The following JCHAIN variants were observed in gnomAD, a reference collection of about 807,000 sequenced individuals.
The protein encoded by JCHAIN is joining chain of multimeric IgA and IgM, also known as immunoglobulin J chain.
A neutral mutation model predicts 11.1 loss-of-function variants in JCHAIN; 5 were observed. That is an observed-to-expected ratio of 0.45 (90% confidence interval 0.24 to 0.95). JCHAIN has a LOEUF of 0.95. JCHAIN is among the 40% of genes least tolerant of loss of function. The pLI, the probability that JCHAIN is intolerant of heterozygous loss-of-function variation, is 0.21. For synonymous variants in JCHAIN, 51 were observed against 67.8 expected, an observed-to-expected ratio of 0.75 and a Z score of 1.22; for missense variants, 165 against 192.7, an observed-to-expected ratio of 0.86 and a Z score of 0.85.
chr4:70,662,241 A>G (rs1257011239), intron 1 of JCHAIN, 26 bp from the exon 2 acceptor site: 1 of 1,584,922 alleles, frequency 6.3e-7, no homozygotes. Flanking sequence ...TATTAAAAAG[A>G]AAGGAAAACA....
intron 3 of JCHAIN, among the ~76,000 whole-genome samples, chr4:70,656,953 A>G (rs1403144579): frequency 6.6e-6 from 1 of 152,200 alleles, no homozygotes; most frequent in Non-Finnish European, 1.5e-5. Flanking sequence ...TTGAACTATT[A>G]AGAGAAATTG....
At position 70,657,212 on chromosome 4, in the gene JCHAIN, G is replaced by A. The variant is rs886638618; in HGVS notation, c.268C>T (p.Leu90Phe). Residue 90 changes from leucine (L) to phenylalanine (F), a missense_variant and splice_region_variant, in exon 3 of 4, where the codon CTC becomes TTC. Transcript: ENST00000254801. ...ACTATGGAAAAAAATATATCTTACA[G>A]GTCAGACAAATGGTACACAAATCTG... ...RTRFVYHLSDLCKKCDPTEVE... is the reference protein window; with the variant it reads ...RTRFVYHLSDFCKKCDPTEVE... 4.5e-6 allele frequency: 7 copies of A among 1,560,848 alleles called. No individual in the cohort carries two copies. The East Asian group carries it at 6.7e-5, about 15-fold the overall frequency.
intron 2 of JCHAIN, among the ~76,000 whole-genome samples, chr4:70,657,567 T>C (rs370472446): frequency 2.6e-5 from 4 of 152,236 alleles, no homozygotes; most frequent in African/African-American, 9.6e-5. Context: ...ACTCACGTTT[T>C]ACCTCTGTAA....
Position 70,665,904 on chromosome 4 carries a change from A to G in JCHAIN, c.64+523T>C, listed in dbSNP as rs115711806. ...TCCATTTTCTGAAGTTGTTTGAAAG[A>G]TCAGTAAACAAAATAACAAAAGTTC... On this transcript the variant is annotated intron_variant, in intron 1 of 3. Coordinates refer to ENST00000254801, the MANE Select transcript of JCHAIN (RefSeq NM_144646.4). 979 of 328,246 alleles carry G rather than the reference A, an allele frequency of 3.0e-3. 9 individuals are homozygous for G. Among genetic ancestry groups the G allele is most frequent in the African/African-American group, 0.021 (952 of 45,336 alleles). The allele number at this position is 328,246 out of a possible 1,614,324, so 20.3% of individuals were successfully genotyped here.
chr4:70,659,894 A>C (rs1258224256), intron 2 of JCHAIN, among the ~76,000 whole-genome samples: 9 of 152,054 alleles, frequency 5.9e-5, no homozygotes, highest in Non-Finnish European at 1.5e-5. Flanking sequence ...AATAATAATA[A>C]TACCATAATG....
chr4:70,665,845 T>G (rs1221478365), intron 1 of JCHAIN: 1 of 293,036 alleles, frequency 3.4e-6, no homozygotes, highest in South Asian at 2.8e-5. Context: ...AAATGAAAAT[T>G]ATTTAATACT....
rs1738941086 is a variant in JCHAIN, at chr4:70,655,925, G to T, written c.*404C>A. On this transcript the variant is annotated 3_prime_UTR_variant, in exon 4 of 4. Coordinates refer to ENST00000254801, the MANE Select transcript of JCHAIN (RefSeq NM_144646.4). ...TAGTAAAGAAAATGCGGAAGCTCTG[G>T]CTCTCCAAGGCAAAGTCAAAAAAAA... is the stretch of plus-strand genomic sequence containing the variant. The T allele has an allele frequency of 6.5e-6, 1 of 153,086 alleles. No homozygotes were observed. Among genetic ancestry groups the T allele is most frequent in the Non-Finnish European group, 1.4e-5 (1 of 71,586 alleles). 9.5% of individuals were successfully genotyped at this position (153,086 alleles called of 1,614,324 possible). A position where few individuals can be genotyped will look rare whatever the true frequency, so the allele number is the denominator to read the frequency against.
chr4:70,661,198 T>C (rs551054688), intron 2 of JCHAIN, among the ~76,000 whole-genome samples: 6 of 152,312 alleles, frequency 3.9e-5, no homozygotes, highest in African/African-American at 1.4e-4. Context: ...GGAAAACTTA[T>C]AACTGATTGG....
At chr4:70,659,548 T>A (rs1269650895) in intron 2 of JCHAIN, among the ~76,000 whole-genome samples, 3 of 6,738 alleles carry the variant, frequency 4.5e-4, no homozygotes, top group African/African-American at 6.3e-4. Context: ...AGACTCTGTC[T>A]CAAAAAAAAA....
Position 70,656,330 on chromosome 4 carries a change from T to C in JCHAIN, c.479A>G (p.Ter160=), listed in dbSNP as rs1560409774. The change falls in exon 4 of 4, where the codon TAA becomes TGA. Residue 160 remains the stop codon, a stop_retained_variant. Transcript: ENST00000254801. ...CTATGCAGTCAGCAATGACTTAAAT[T>C]AGTCAGGATAGCAGGCATCTGGGGT... ...ALTPDACYPD[*] 1.2e-6 allele frequency: 2 copies of C among 1,608,004 alleles called. No individual in the cohort carries two copies. Among genetic ancestry groups the C allele is most frequent in the Admixed American group, 1.7e-5 (1 of 59,986 alleles).
chr4:70,656,093 G>A lies in JCHAIN; in HGVS notation c.*236C>T. The A allele has an allele frequency of 4.2e-6, 2 of 473,308 alleles. No individual in the cohort carries two copies. Among genetic ancestry groups the A allele is most frequent in the Non-Finnish European group, 7.5e-6 (2 of 267,038 alleles). 29.3% of individuals were successfully genotyped at this position (473,308 alleles called of 1,614,324 possible). Reference sequence around the variant, plus strand: ...GAGCATACCTCTTTCAGGTGAGCATGATAATTGGAAGATTTTGATACTTAG... The same window carrying A: ...GAGCATACCTCTTTCAGGTGAGCATAATAATTGGAAGATTTTGATACTTAG... On this transcript the variant is annotated 3_prime_UTR_variant, in exon 4 of 4. Coordinates refer to ENST00000254801, the MANE Select transcript of JCHAIN (RefSeq NM_144646.4).
At position 70,662,237 on chromosome 4, in the gene JCHAIN, A is replaced by T. The variant is rs374807369; in HGVS notation, c.65-22T>A. Reference sequence around the variant, plus strand: ...TGGGCTTGAAAGGTAAACGTATTAAAAAGAAAGGAAAACAAAGGTCAATTT... The same window carrying T: ...TGGGCTTGAAAGGTAAACGTATTAATAAGAAAGGAAAACAAAGGTCAATTT... On this transcript the variant is annotated intron_variant, in intron 1 of 3. Transcript: ENST00000254801. The T allele has an allele frequency of 6.9e-6, 11 of 1,601,338 alleles. No individual in the cohort carries two copies. The African/African-American group carries it at 1.1e-4, about 16-fold the overall frequency.
rs534757513 is a variant in JCHAIN, at chr4:70,655,884, CTT to C, written c.*443_*444del. 6.9e-6 allele frequency: 1 copy of C among 145,918 alleles called. No homozygotes were observed. The highest frequency in any genetic ancestry group is 2.6e-5 in the African/African-American group (1 of 38,662). The allele number at this position is 145,918 out of a possible 1,614,324, so 9.0% of individuals were successfully genotyped here. On this transcript the variant is annotated 3_prime_UTR_variant, in exon 4 of 4. Transcript: ENST00000254801. Reference sequence around the variant, plus strand: ...CATATATGTTCTCTACACAGTGAAACTTTTTTTAAAAAGAATAGTAAAGAAAA... The same window carrying C: ...CATATATGTTCTCTACACAGTGAAACTTTTTAAAAAGAATAGTAAAGAAAA...
chr4:70,665,435 C>T (rs1450709549), intron 1 of JCHAIN, among the ~76,000 whole-genome samples: 1 of 151,914 alleles, frequency 6.6e-6, no homozygotes, highest in African/African-American at 2.4e-5. Context: ...ACAGATGGTC[C>T]CCAACTTACC....
In JCHAIN at chr4:70,663,915, T is replaced by A. The variant is rs1390738431; in HGVS notation, c.65-1700A>T. Among the ~76,000 whole-genome samples, 14 of 151,554 alleles carry A rather than the reference T, an allele frequency of 9.2e-5. No individual in the cohort carries two copies. The East Asian group carries it at 2.2e-3, about 23-fold the overall frequency. ...GCTTTACATAAGTAATGCTATTAAA[T>A]AAGAGTGCTAATTAATAATAACAAT... is the stretch of plus-strand genomic sequence containing the variant. On this transcript the variant is annotated intron_variant, in intron 1 of 3. Transcript: ENST00000254801.
At position 70,666,451 on chromosome 4, in the gene JCHAIN, A is replaced by T. The variant is rs145363741; in HGVS notation, c.40T>A (p.Phe14Ile). 1.9e-4 allele frequency: 305 copies of T among 1,613,072 alleles called. 1 individual carries two copies. In the African/African-American group the frequency reaches 3.8e-3, roughly 20 times the overall value. The change falls in exon 1 of 4, where the codon TTT (phenylalanine) becomes ATT (isoleucine). Residue 14 changes from phenylalanine (F) to isoleucine (I), a missense_variant. Physicochemically the swap from Phe to Ile is conservative, Grantham distance 21. Coordinates refer to ENST00000254801, the MANE Select transcript of JCHAIN (RefSeq NM_144646.4). The part of the protein sequence containing the change: ...HLLFWGVLAV[F>I]IKAVHVKAQE... Reference sequence around the variant, plus strand: ...CCTTTCACATGAACAGCCTTAATAAAAACCGCCAGGACTCCCCAGAAAAGC... The same window carrying T: ...CCTTTCACATGAACAGCCTTAATAATAACCGCCAGGACTCCCCAGAAAAGC...
chr4:70,659,549 CAAAAAAAAAAA>C (rs35627461), intron 2 of JCHAIN, among the ~76,000 whole-genome samples: 15 of 16,554 alleles, frequency 9.1e-4, no homozygotes, highest in Middle Eastern at 0.071. Context: ...GACTCTGTCT[CAAAAAAAAAAA>C]AAAAAAAAAA....
Position 70,656,214 on chromosome 4 carries a change from C to CA in JCHAIN, c.*114dup, listed in dbSNP as rs75422156. 17,011 of 592,560 alleles carry CA rather than the reference C, an allele frequency of 0.029. 72 individuals carry two copies. Among genetic ancestry groups the CA allele is most frequent in the African/African-American group, 0.072 (2,976 of 41,290 alleles). The allele number at this position is 592,560 out of a possible 1,614,324, so 36.7% of individuals were successfully genotyped here. ...GGCAGGGAGTTGGTTTTACATCACC[C>CA]AAAAAAAAAAAAAAGCCCTGGTTTC... On this transcript the variant is annotated 3_prime_UTR_variant, in exon 4 of 4. Transcript: ENST00000254801.
At chr4:70,660,945 C>T (rs941486507) in intron 2 of JCHAIN, among the ~76,000 whole-genome samples, 1 of 152,030 alleles carries the variant, frequency 6.6e-6, no homozygotes, top group African/African-American at 2.4e-5. Flanking sequence ...TTTATTTTTA[C>T]AATAATCCTA....
Sources: allele counts gnomAD v4.1 joint callset (sites outside exome capture counted in the v4.1 genomes callset), GRCh38; gene constraint gnomAD v4.1.1; transcripts MANE v1.5; gene names NCBI Gene and HGNC (gene_info 2026-07-23, HGNC 2026-07-21).